ITPR1: variants seen among roughly 807,000 people sequenced by gnomAD.
The protein encoded by ITPR1 is inositol 1,4,5-trisphosphate-gated calcium channel ITPR1.
Under a neutral mutation model 318.4 loss-of-function variants are expected in ITPR1, and 96 were observed. The observed-to-expected ratio is 0.30, with a 90% CI of 0.26 to 0.36. ITPR1 has a LOEUF of 0.36. Among genes scored for constraint, ITPR1 ranks in the 10% least tolerant of loss-of-function variants. The pLI is 1.00. For synonymous variants in ITPR1, 1,312 were observed against 1,289.9 expected (o/e 1.02, Z -0.37); for missense variants, 2,440 against 3,460.2 (o/e 0.71, Z 7.40).
chr3:4,589,504 A>G (rs2090203149), intron 4 of ITPR1, among the ~76,000 whole-genome samples: 1 of 152,096 alleles, frequency 6.6e-6, no homozygotes, highest in African/African-American at 2.4e-5. Flanking sequence ...ATTGGAGGAG[A>G]TGCCCAGGTA....
chr3:4,590,900 G>A (rs749797328), intron 4 of ITPR1, among the ~76,000 whole-genome samples: 1 of 152,024 alleles, frequency 6.6e-6, no homozygotes, highest in African/African-American at 2.4e-5. Flanking sequence ...TCCACAAGTA[G>A]ACTCTGGTGT....
intron 61 of ITPR1, among the ~76,000 whole-genome samples, chr3:4,844,435 A>G (rs1045455501): frequency 2.0e-5 from 3 of 152,204 alleles, no homozygotes; most frequent in Non-Finnish European, 4.4e-5. Context: ...GAGCACACCA[A>G]GATTTCTAAA....
chr3:4,777,723 T>C (rs1309498142), intron 48 of ITPR1, among the ~76,000 whole-genome samples: 1 of 151,864 alleles, frequency 6.6e-6, no homozygotes, highest in African/African-American at 2.4e-5. Context: ...CTCTGGTTTC[T>C]GATTTTTCCC....
At chr3:4,712,601 T>C (rs2041463165) in intron 39 of ITPR1, among the ~76,000 whole-genome samples, 1 of 152,260 alleles carries the variant, frequency 6.6e-6, no homozygotes, top group Non-Finnish European at 1.5e-5. Context: ...GTGAATATGC[T>C]GATATCACTG....
chr3:4,842,581 C>A (rs182864425), intron 61 of ITPR1, among the ~76,000 whole-genome samples: 2 of 152,044 alleles, frequency 1.3e-5, no homozygotes, highest in Non-Finnish European at 2.9e-5. Context: ...TTGGCCAGGC[C>A]GGTCTCGAAC....
intron 31 of ITPR1, among the ~76,000 whole-genome samples, chr3:4,690,667 G>A (rs892054673): frequency 1.3e-5 from 2 of 152,098 alleles, no homozygotes; most frequent in Non-Finnish European, 2.9e-5. Flanking sequence ...TATAATACTA[G>A]GAATGTTACT....
At chr3:4,622,096 A>G (rs1423116027) in intron 4 of ITPR1, among the ~76,000 whole-genome samples, 1 of 150,024 alleles carries the variant, frequency 6.7e-6, no homozygotes, top group African/African-American at 2.5e-5. Context: ...GTCTTGTACC[A>G]GCACATAGTA....
intron 55 of ITPR1, among the ~76,000 whole-genome samples, chr3:4,811,005 A>G (rs571856641): frequency 6.6e-6 from 1 of 152,242 alleles, no homozygotes; most frequent in East Asian, 1.9e-4. Flanking sequence ...TATTTTCTCT[A>G]TTTCCAGTCC....
intron 4 of ITPR1, among the ~76,000 whole-genome samples, chr3:4,525,693 A>G (rs76702868): frequency 0.1 from 15,844 of 152,206 alleles, 835 homozygotes; most frequent in Middle Eastern, 0.14. Context: ...AAGGTAAGGC[A>G]GAACCTCCTC....
chr3:4,767,902 G>A (rs1190526132), intron 45 of ITPR1, among the ~76,000 whole-genome samples: 1 of 152,160 alleles, frequency 6.6e-6, no homozygotes, highest in Admixed American at 6.5e-5. Context: ...TTACAGATGA[G>A]GGGACTGGGG....
intron 44 of ITPR1, among the ~76,000 whole-genome samples, chr3:4,765,720 G>A (rs1048671222): frequency 6.6e-5 from 10 of 152,058 alleles, no homozygotes; most frequent in Non-Finnish European, 1.5e-4. Context: ...ATTTACAACA[G>A]CGTGGTGTTT....
intron 5 of ITPR1, among the ~76,000 whole-genome samples, chr3:4,637,035 T>G (rs1327270900): frequency 6.6e-6 from 1 of 152,244 alleles, no homozygotes; most frequent in East Asian, 1.9e-4. Flanking sequence ...GTAAGGGGAA[T>G]GCTCATGAGC....
chr3:4,831,320 C>T lies in ITPR1; in HGVS notation c.8029-5454C>T, dbSNP rs961160341. ...AACCTTAGCACTTGTGGTCAGCCTG[C>T]TTCCGGCTGTGGCTTCAGTTAGTTT... On this transcript the variant is annotated intron_variant, in intron 60 of 61. Transcript: ENST00000649015. The T allele has an allele frequency of 3.0e-5, 8 of 263,570 alleles. No individual in the cohort carries two copies. The Admixed American group carries it at 3.2e-4, about 10-fold the overall frequency. The allele number at this position is 263,570 out of a possible 1,614,324, so 16.3% of individuals were successfully genotyped here. A position where few individuals can be genotyped will look rare whatever the true frequency, so the allele number is the denominator to read the frequency against.
chr3:4,541,822 C>T (rs537826087), intron 4 of ITPR1, among the ~76,000 whole-genome samples: 1 of 152,244 alleles, frequency 6.6e-6, no homozygotes, highest in Non-Finnish European at 1.5e-5. Flanking sequence ...AATGGGATTT[C>T]ACCATGTTGG....
Position 4,658,258 on chromosome 3 carries a change from A to C in ITPR1, c.1131A>C (p.Gly377=). 2 of 1,612,320 alleles carry C rather than the reference A, an allele frequency of 1.2e-6. No individual in the cohort carries two copies. The highest frequency in any genetic ancestry group is 1.7e-6 in the Non-Finnish European group (2 of 1,178,754). The change falls in exon 13 of 62, where the codon GGA becomes GGC. Residue 377 remains glycine (G), a synonymous_variant. Coordinates refer to ENST00000649015, the MANE Select transcript of ITPR1 (RefSeq NM_001378452.1). ...AGCTAGATCCCACCACTCTGCGTGG[A>C]GGTGACAGCCTTGTCCCAAGGTATC... is the stretch of plus-strand genomic sequence containing the variant. ...IFELDPTTLR[G]GDSLVPRNSY... is the part of the protein sequence containing the mutation.
At chr3:4,701,603 A>C (rs1029080741) in intron 35 of ITPR1, among the ~76,000 whole-genome samples, 1 of 152,242 alleles carries the variant, frequency 6.6e-6, no homozygotes, top group Non-Finnish European at 1.5e-5. Context: ...CTTCATGGAA[A>C]GAGCATGGAG....
At chr3:4,655,904 G>T (rs965899419) in intron 12 of ITPR1, among the ~76,000 whole-genome samples, 3 of 152,126 alleles carry the variant, frequency 2.0e-5, no homozygotes, top group African/African-American at 4.8e-5. Context: ...TGTTAGTACT[G>T]GGAGGACCCC....
At chr3:4,502,859 G>A (rs694507) in intron 2 of ITPR1, among the ~76,000 whole-genome samples, 101,010 of 151,726 alleles carry the variant, frequency 0.67, 34,033 homozygotes, top group East Asian at 0.81. Flanking sequence ...AGGTGGGTGG[G>A]TCACCTGAGG....
At chr3:4,711,891 T>A in intron 39 of ITPR1, 23 bp downstream of exon 39, 1 of 1,289,934 alleles carries the variant, frequency 7.8e-7, no homozygotes. Context: ...ATTTTCATGG[T>A]CAAACCAGGT....
Sources: allele counts gnomAD v4.1 joint callset (sites outside exome capture counted in the v4.1 genomes callset), GRCh38; gene constraint gnomAD v4.1.1; transcripts MANE v1.5; gene names NCBI Gene and HGNC (gene_info 2026-07-23, HGNC 2026-07-21).